Variants in GNPDA2 observed in about 807,000 individuals in gnomAD.
GNPDA2 encodes the protein glcN6P deaminase 2.
Under a neutral mutation model 27.0 loss-of-function variants are expected in GNPDA2, and 24 were observed. That is an observed-to-expected ratio of 0.89 (90% CI 0.64 to 1.25). The LOEUF (loss-of-function observed/expected upper bound fraction) is 1.25. Among genes scored for constraint, GNPDA2 ranks in the 50% most tolerant of loss-of-function variants. The probability of loss-of-function intolerance (pLI) is 0.00; values close to 1 mark genes in which losing one functional copy is unlikely to be tolerated. For missense variants in GNPDA2, 286 were observed against 335.1 expected (o/e 0.85, Z 1.14); for synonymous variants, 94 against 108.4 (o/e 0.87, Z 0.83).
In GNPDA2 at chr4:44,701,803, C is replaced by T. The variant is rs1024501048; in HGVS notation, c.*1278G>A. ...AACATTTATAAGGCTATTAAAACATCATCTGGAATTAAAGCAGCATAATTT... is the reference window on the plus strand; with the variant it reads ...AACATTTATAAGGCTATTAAAACATTATCTGGAATTAAAGCAGCATAATTT... On this transcript the variant is annotated 3_prime_UTR_variant, in exon 7 of 7. Coordinates refer to ENST00000295448, the MANE Select transcript of GNPDA2 (RefSeq NM_138335.3). 2 of 983,482 alleles carry T rather than the reference C, an allele frequency of 2.0e-6. No homozygotes were observed. The highest frequency in any genetic ancestry group is 2.4e-6 in the Non-Finnish European group (2 of 828,344). 60.9% of individuals were successfully genotyped at this position (983,482 alleles called of 1,614,324 possible). A position where few individuals can be genotyped will look rare whatever the true frequency, so the allele number is the denominator to read the frequency against.
chr4:44,703,846 C>G (rs920993645), intron 6 of GNPDA2: 20 of 984,762 alleles, frequency 2.0e-5, no homozygotes, highest in Non-Finnish European at 2.3e-5. Flanking sequence ...TGCCTCAGTA[C>G]TATATTTCTT....
intron 1 of GNPDA2, among the ~76,000 whole-genome samples, chr4:44,722,513 TCAGC>T (rs1717741537): frequency 6.6e-6 from 1 of 152,166 alleles, no homozygotes; most frequent in South Asian, 2.1e-4. Context: ...ATTCGAGGAT[TCAGC>T]CAACCAAGAA....
At chr4:44,711,388 T>A (rs1201051430) in intron 4 of GNPDA2, among the ~76,000 whole-genome samples, 1 of 152,116 alleles carries the variant, frequency 6.6e-6, no homozygotes, top group African/African-American at 2.4e-5. Flanking sequence ...ATTTGATAAT[T>A]TATAAAGCCC....
At position 44,717,168 on chromosome 4, in the gene GNPDA2, A is replaced by G. The variant is rs775438534; in HGVS notation, c.354T>C (p.Cys118=). 5.6e-6 allele frequency: 9 copies of G among 1,610,122 alleles called. No individual in the cohort carries two copies. Among genetic ancestry groups the G allele is most frequent in the Non-Finnish European group, 7.6e-6 (9 of 1,178,122 alleles). ...CTTTTATTTTGTTTTCAAAAGCATC[A>G]CATTCTGCTTGTAAATCTGCAGCAT... is the stretch of plus-strand genomic sequence containing the variant. The part of the protein sequence containing the change: ...DGNAADLQAE[C]DAFENKIKEA... The change falls in exon 4 of 7, where the codon TGT becomes TGC. Residue 118 remains cysteine, a synonymous_variant. Coordinates refer to ENST00000295448, the MANE Select transcript of GNPDA2 (RefSeq NM_138335.3).
At chr4:44,704,849 C>T (rs965886192) in intron 6 of GNPDA2, 3 of 983,830 alleles carry the variant, frequency 3.0e-6, no homozygotes, top group Non-Finnish European at 2.4e-6. Context: ...AGCCTAAATA[C>T]AAAGTAAGAG....
chr4:44,721,753 T>TA lies in GNPDA2; in HGVS notation c.124+330dup, dbSNP rs1254739093. ...ATGATTAATAAGAAAGCCAATCAAC[T>TA]AAAAACTGGTATGAATGGTAAAAGC... On this transcript the variant is annotated intron_variant, in intron 2 of 6. Transcript: ENST00000295448. Among the ~76,000 whole-genome samples the TA allele has an allele frequency of 6.6e-5, 10 of 152,008 alleles. No homozygotes were observed. In the East Asian group the frequency reaches 1.9e-3, roughly 29 times the overall value.
chr4:44,723,974 C>T (rs550452083), intron 1 of GNPDA2, among the ~76,000 whole-genome samples: 54 of 152,142 alleles, frequency 3.5e-4, no homozygotes, highest in Non-Finnish European at 7.6e-4. Flanking sequence ...GAAGGGATGG[C>T]CCATGCTTAG....
intron 6 of GNPDA2, chr4:44,705,259 T>C (rs901758653): frequency 1.0e-6 from 1 of 981,336 alleles, no homozygotes; most frequent in African/African-American, 1.7e-5. Context: ...ATGAAAAGTA[T>C]ACAAACTACA....
Position 44,701,842 on chromosome 4 carries a change from C to A in GNPDA2, c.*1239G>T. Reference sequence around the variant, plus strand: ...GCAGCATAATTTACCCCATCCCCCACTTTTAACCATAAAACCCTATTACCA... The same window carrying A: ...GCAGCATAATTTACCCCATCCCCCAATTTTAACCATAAAACCCTATTACCA... On this transcript the variant is annotated 3_prime_UTR_variant, in exon 7 of 7. Transcript: ENST00000295448. 2 of 984,324 alleles carry A rather than the reference C, an allele frequency of 2.0e-6. No individual in the cohort carries two copies. The highest frequency in any genetic ancestry group is 2.4e-6 in the Non-Finnish European group (2 of 828,984). 61.0% of individuals were successfully genotyped at this position (984,324 alleles called of 1,614,324 possible).
rs149775196 is a variant in GNPDA2 at position 44,703,763 on chromosome 4, T to C, written c.770-621A>G. 4,615 of 985,034 alleles carry C rather than the reference T, an allele frequency of 4.7e-3. 16 individuals carry two copies. Among genetic ancestry groups the C allele is most frequent in the Middle Eastern group, 5.7e-3 (11 of 1,914 alleles). The allele number at this position is 985,034 out of a possible 1,614,324, so 61.0% of individuals were successfully genotyped here. On this transcript the variant is annotated intron_variant, in intron 6 of 6. Transcript: ENST00000295448. ...TAACTTTCATTTTGTAATTGGTACATATACTTGCAGACTGCTCTTAGCTAT... is the reference window on the plus strand; with the variant it reads ...TAACTTTCATTTTGTAATTGGTACACATACTTGCAGACTGCTCTTAGCTAT...
chr4:44,707,482 A>G lies in GNPDA2; in HGVS notation c.769+270T>C, dbSNP rs557155266. The G allele has an allele frequency of 4.8e-5, 21 of 435,692 alleles. No individual in the cohort carries two copies. In the East Asian group the frequency reaches 6.3e-4, roughly 13 times the overall value. The allele number at this position is 435,692 out of a possible 1,614,324, so 27.0% of individuals were successfully genotyped here. On this transcript the variant is annotated intron_variant, in intron 6 of 6. Transcript: ENST00000295448. ...GGTTATTTGGTCTTGTATATTCAAT[A>G]TGAAAGTAAATTATTAAACCTTGGA...
At chr4:44,719,865 C>T (rs2109718559) in intron 2 of GNPDA2, among the ~76,000 whole-genome samples, 1 of 152,114 alleles carries the variant, frequency 6.6e-6, no homozygotes, top group South Asian at 2.1e-4. Context: ...CACAATTTAG[C>T]AAGTACCTAC....
At position 44,718,362 on chromosome 4, in the gene GNPDA2, T is replaced by G; in HGVS notation, c.173A>C (p.Asn58Thr). The G allele has an allele frequency of 7.2e-7, 1 of 1,386,442 alleles. No homozygotes were observed. 85.9% of individuals were successfully genotyped at this position (1,386,442 alleles called of 1,614,324 possible). A position where few individuals can be genotyped will look rare whatever the true frequency, so the allele number is the denominator to read the frequency against. The change falls in exon 3 of 7, where the codon AAT (asparagine) becomes ACT (threonine). Residue 58 changes from asparagine (N) to threonine (T), a missense_variant. Asn to Thr is a moderately conservative substitution (Grantham distance 65). Coordinates refer to ENST00000295448, the MANE Select transcript of GNPDA2 (RefSeq NM_138335.3). The stretch of plus-strand genomic sequence containing the variant: ...CACATATTTAAAAGAAAGGTGTCCA[T>G]TCTTATGATATTCTATTAGTTTTTT... ...CYKKLIEYHK[N>T]GHLSFKYVKT...
chr4:44,716,140 A>G (rs1287847589), intron 4 of GNPDA2, among the ~76,000 whole-genome samples: 1 of 151,978 alleles, frequency 6.6e-6, no homozygotes, highest in Non-Finnish European at 1.5e-5. Context: ...GGTCATACAG[A>G]TACTAAGTGG....
chr4:44,711,180 G>C (rs1716955411), intron 4 of GNPDA2, 43 bp from the exon 5 acceptor site: 1 of 1,285,440 alleles, frequency 7.8e-7, no homozygotes, highest in Non-Finnish European at 1.0e-6. Flanking sequence ...GAAGTAAATA[G>C]GTTTCACAAA....
At chr4:44,705,428 A>G (rs1716528781) in intron 6 of GNPDA2, 13 of 984,986 alleles carry the variant, frequency 1.3e-5, no homozygotes, top group African/African-American at 1.7e-5. Flanking sequence ...AGAAATACAG[A>G]CAGCTCCAAA....
At chr4:44,707,579 A>C in intron 6 of GNPDA2, 173 bp downstream of exon 6, 1 of 494,162 alleles carries the variant, frequency 2.0e-6, no homozygotes. Flanking sequence ...AAAAGGTACT[A>C]CTTTGAAGAT....
At chr4:44,704,479 C>T (rs1272585242) in intron 6 of GNPDA2, 1 of 795,662 alleles carries the variant, frequency 1.3e-6, no homozygotes, top group Non-Finnish European at 1.5e-6. Context: ...AATTCAACTC[C>T]TTTATAAAAT....
rs974084991 is a variant in GNPDA2 at position 44,703,360 on chromosome 4, G to C, written c.770-218C>G. ...CAATTTATAATTATGTAACAGTGCAGATCTAGAATGTGTACAGGTACTTTG... is the reference window on the plus strand; with the variant it reads ...CAATTTATAATTATGTAACAGTGCACATCTAGAATGTGTACAGGTACTTTG... On this transcript the variant is annotated intron_variant, in intron 6 of 6. Transcript: ENST00000295448. 17 of 1,317,372 alleles carry C rather than the reference G, an allele frequency of 1.3e-5. No individual in the cohort carries two copies. In the Admixed American group the frequency reaches 1.9e-4, roughly 15 times the overall value. 81.6% of individuals were successfully genotyped at this position (1,317,372 alleles called of 1,614,324 possible).
Sources: allele counts gnomAD v4.1 joint callset (sites outside exome capture counted in the v4.1 genomes callset), GRCh38; gene constraint gnomAD v4.1.1; transcripts MANE v1.5; gene names NCBI Gene and HGNC (gene_info 2026-07-23, HGNC 2026-07-21).